The following NCOA2 variants were observed in gnomAD, a reference collection of about 807,000 sequenced individuals.
The protein encoded by NCOA2 is nuclear receptor coactivator 2.
A neutral mutation model predicts 145.1 loss-of-function variants in NCOA2; 21 were observed. The ratio of observed to expected loss-of-function variants is 0.14; its 90% CI spans 0.10 to 0.21. The LOEUF is 0.21. NCOA2 is among the 10% of genes least tolerant of loss of function. NCOA2 has a pLI of 1.00. For synonymous variants in NCOA2, 619 were observed against 637.5 expected, an observed-to-expected ratio of 0.97 and a Z score of 0.44; for missense variants, 1,472 against 1,837.6, an observed-to-expected ratio of 0.80 and a Z score of 3.64.
At chr8:70,361,680 G>A (rs539609136) in intron 1 of NCOA2, among the ~76,000 whole-genome samples, 4 of 152,248 alleles carry the variant, frequency 2.6e-5, no homozygotes, top group African/African-American at 7.2e-5. Flanking sequence ...TTTACAGAAC[G>A]TAGAACCAAC....
At chr8:70,427,442 A>T in the NCOA2 span, among the ~76,000 whole-genome samples, 1 of 152,118 alleles carries the variant, frequency 6.6e-6, no homozygotes, top group Admixed American at 6.5e-5. Flanking sequence ...ACACCTTTTC[A>T]TTTACTAATC....
At chr8:70,144,932 G>A in intron 12 of NCOA2, 84 bp from the exon 13 acceptor site, 5 of 1,266,818 alleles carry the variant, frequency 3.9e-6, no homozygotes, top group East Asian at 2.3e-5. Flanking sequence ...GACAATGTCT[G>A]TAAAATGACA....
intron 4 of NCOA2, among the ~76,000 whole-genome samples, chr8:70,183,004 G>A (rs984309031): frequency 2.0e-5 from 3 of 152,170 alleles, no homozygotes; most frequent in African/African-American, 7.2e-5. Context: ...TCCCTGATAT[G>A]ATAATGGTGC....
chr8:70,255,102 C>T (rs1823526128), intron 2 of NCOA2, among the ~76,000 whole-genome samples: 2 of 152,116 alleles, frequency 1.3e-5, no homozygotes, highest in Middle Eastern at 3.4e-3. Context: ...TACCTCTGAC[C>T]CATAAGGAGA....
chr8:70,386,629 GA>G (rs1812695430), intron 1 of NCOA2, among the ~76,000 whole-genome samples: 1 of 152,146 alleles, frequency 6.6e-6, no homozygotes, highest in Non-Finnish European at 1.5e-5. Flanking sequence ...GATAATTCTA[GA>G]ATGTAAAGAA....
At chr8:70,192,729 T>G (rs904807482) in intron 4 of NCOA2, among the ~76,000 whole-genome samples, 1 of 152,200 alleles carries the variant, frequency 6.6e-6, no homozygotes, top group Non-Finnish European at 1.5e-5. Context: ...ATTGGGTCAG[T>G]GGTTCCCACC....
chr8:70,148,069 T>G (rs989854566), intron 12 of NCOA2, among the ~76,000 whole-genome samples: 55 of 152,308 alleles, frequency 3.6e-4, no homozygotes, highest in African/African-American at 1.2e-3. Context: ...CTGATTAAAT[T>G]AACCCACAAG....
intron 1 of NCOA2, among the ~76,000 whole-genome samples, chr8:70,373,393 T>G (rs554670870): frequency 6.6e-6 from 1 of 152,334 alleles, no homozygotes; most frequent in South Asian, 2.1e-4. Flanking sequence ...CCAAGTCTTT[T>G]GAACATTTTA....
chr8:70,409,607 T>G, the NCOA2 span, among the ~76,000 whole-genome samples: 1 of 152,200 alleles, frequency 6.6e-6, no homozygotes, highest in Non-Finnish European at 1.5e-5. Flanking sequence ...ACATCAGCCA[T>G]CCTTGTATTC....
the NCOA2 span, among the ~76,000 whole-genome samples, chr8:70,420,021 G>T: frequency 6.6e-6 from 1 of 152,176 alleles, no homozygotes; most frequent in Non-Finnish European, 1.5e-5. Context: ...TATCATATGT[G>T]CTGGAGTATT....
intron 11 of NCOA2, among the ~76,000 whole-genome samples, chr8:70,154,375 C>T (rs1272171599): frequency 1.3e-5 from 2 of 152,144 alleles, no homozygotes; most frequent in African/African-American, 4.8e-5. Context: ...CGTCTCATGC[C>T]AAGTCACTGT....
intron 1 of NCOA2, among the ~76,000 whole-genome samples, chr8:70,352,982 C>G (rs555273552): frequency 1.3e-3 from 200 of 152,278 alleles, no homozygotes; most frequent in African/African-American, 4.7e-3. Context: ...TCAATCCACC[C>G]TATGCTTTAG....
the NCOA2 span, among the ~76,000 whole-genome samples, chr8:70,429,435 T>C: frequency 6.6e-6 from 1 of 152,236 alleles, no homozygotes; most frequent in East Asian, 1.9e-4. Flanking sequence ...CCCCTTAATG[T>C]ATGCATTTTT....
intron 4 of NCOA2, among the ~76,000 whole-genome samples, chr8:70,213,066 T>C (rs187629608): frequency 3.8e-4 from 50 of 130,306 alleles, no homozygotes; most frequent in African/African-American, 1.3e-3. Context: ...GCCTGGGCGA[T>C]AGAGTGAGAC....
At chr8:70,276,919 T>C (rs544554987) in intron 2 of NCOA2, among the ~76,000 whole-genome samples, 4 of 152,354 alleles carry the variant, frequency 2.6e-5, no homozygotes, top group Non-Finnish European at 5.9e-5. Context: ...GCCACTTTCA[T>C]TCTGCTGTCT....
At chr8:70,342,086 A>G (rs1438861523) in intron 1 of NCOA2, among the ~76,000 whole-genome samples, 1 of 152,194 alleles carries the variant, frequency 6.6e-6, no homozygotes, top group Non-Finnish European at 1.5e-5. Context: ...AGAACTCGAT[A>G]ATATACCTAA....
intron 1 of NCOA2, among the ~76,000 whole-genome samples, chr8:70,320,341 A>G (rs1341262576): frequency 6.6e-6 from 1 of 152,156 alleles, no homozygotes; most frequent in Non-Finnish European, 1.5e-5. Flanking sequence ...ACAGCTCACA[A>G]CTGCTTATTA....
chr8:70,265,921 C>G (rs904727120), intron 2 of NCOA2, among the ~76,000 whole-genome samples: 3 of 151,682 alleles, frequency 2.0e-5, no homozygotes, highest in African/African-American at 7.3e-5. Context: ...TGAGGGATCA[C>G]GAGATCAAGA....
At chr8:70,198,357 C>A (rs542442367) in intron 4 of NCOA2, among the ~76,000 whole-genome samples, 1 of 152,210 alleles carries the variant, frequency 6.6e-6, no homozygotes, top group East Asian at 1.9e-4. Flanking sequence ...TGGAGGTCTG[C>A]CTAGAAGTAC....
Sources: gnomAD v4.1 joint callset for allele counts (sites outside exome capture counted in the v4.1 genomes callset) on GRCh38, gnomAD v4.1.1 for gene constraint, MANE v1.5 for transcripts, NCBI Gene and HGNC (gene_info 2026-07-23, HGNC 2026-07-21) for gene names.